PDE1B: variants seen among roughly 807,000 people sequenced by gnomAD.
PDE1B encodes dual specificity calcium/calmodulin-dependent 3',5'-cyclic nucleotide phosphodiesterase 1B.
In PDE1B, 13 loss-of-function variants were observed where a neutral mutation model predicts 66.7. The ratio of observed to expected loss-of-function variants is 0.19; its 90% CI spans 0.13 to 0.31. The LOEUF is 0.31. Ranked by LOEUF, PDE1B falls within the 10% of genes least tolerant of loss-of-function variation. The probability of loss-of-function intolerance (pLI) is 1.00; values close to 1 mark genes in which losing one functional copy is unlikely to be tolerated. For missense variants in PDE1B, 485 were observed against 682.3 expected, an observed-to-expected ratio of 0.71 and a Z score of 3.22; for synonymous variants, 230 against 253.9, an observed-to-expected ratio of 0.91 and a Z score of 0.90.
At chr12:54,553,815 A>C (rs1244005148) in intron 2 of PDE1B, among the ~76,000 whole-genome samples, 1 of 152,174 alleles carries the variant, frequency 6.6e-6, no homozygotes, top group East Asian at 1.9e-4. Context: ...AAGGAGTTAC[A>C]GAGAGGATCC....
intron 2 of PDE1B, among the ~76,000 whole-genome samples, chr12:54,561,875 T>G (rs1294238157): frequency 6.6e-6 from 1 of 152,066 alleles, no homozygotes; most frequent in East Asian, 1.9e-4. Context: ...AAAAATTGCT[T>G]CTTCTTGACT....
chr12:54,565,246 G>T (rs1181054303), intron 2 of PDE1B, among the ~76,000 whole-genome samples: 1 of 152,200 alleles, frequency 6.6e-6, no homozygotes, highest in Non-Finnish European at 1.5e-5. Flanking sequence ...GAATCTGGGG[G>T]AGAGAGAGAA....
At position 54,579,150 on chromosome 12, in the gene PDE1B, G is replaced by T; in HGVS notation, c.*1308G>T. ...TGGTACTTCCACCCTACCCCACCCC[G>T]AGAAGGGCAGAGACGCATGTGACTC... On this transcript the variant is annotated 3_prime_UTR_variant, in exon 16 of 16. Transcript: ENST00000243052. 1.5e-6 allele frequency: 1 copy of T among 656,896 alleles called. No homozygotes were observed. Among genetic ancestry groups the T allele is most frequent in the Non-Finnish European group, 1.9e-6 (1 of 530,506 alleles). 40.7% of individuals were successfully genotyped at this position (656,896 alleles called of 1,614,324 possible).
intron 2 of PDE1B, among the ~76,000 whole-genome samples, chr12:54,566,718 G>A (rs1486296618): frequency 6.6e-6 from 1 of 152,198 alleles, no homozygotes; most frequent in East Asian, 1.9e-4. Flanking sequence ...GTTTCGAGAA[G>A]TCAGATGGTG....
Position 54,560,780 on chromosome 12 carries a change from CCT to C in PDE1B, c.114-6187_114-6186del, listed in dbSNP as rs1322346049. Among the ~76,000 whole-genome samples the C allele has an allele frequency of 2.0e-5, 3 of 152,188 alleles. No individual in the cohort carries two copies. The East Asian group carries it at 5.8e-4, about 29-fold the overall frequency. ...TTCTCCTTACCTCTGAGCCGATTGA[CCT>C]CTCTCTGGTTAATTCATGGTTATTC... On this transcript the variant is annotated intron_variant, in intron 2 of 15. Coordinates refer to ENST00000243052, the MANE Select transcript of PDE1B (RefSeq NM_000924.4).
At position 54,573,876 on chromosome 12, in the gene PDE1B, T is replaced by G. The variant is rs113647224; in HGVS notation, c.1064+167T>G. 2.5e-6 allele frequency: 1 copy of G among 400,428 alleles called. No individual in the cohort carries two copies. Among genetic ancestry groups the G allele is most frequent in the Non-Finnish European group, 4.4e-6 (1 of 225,482 alleles). 24.8% of individuals were successfully genotyped at this position (400,428 alleles called of 1,614,324 possible). ...CTATGTGAGAGAGAGAGAGAGTGTG[T>G]GTGTGTGTGTGTGTGTGTGTGTGTG... is the stretch of plus-strand genomic sequence containing the variant. On this transcript the variant is annotated intron_variant, in intron 10 of 15. Transcript: ENST00000243052. The surrounding 1 kb of genome is among the most constrained non-coding windows in gnomAD (Gnocchi z 5.2).
At chr12:54,552,727 A>G (rs941267015) in intron 2 of PDE1B, among the ~76,000 whole-genome samples, 1 of 152,212 alleles carries the variant, frequency 6.6e-6, no homozygotes, top group Non-Finnish European at 1.5e-5. Context: ...TTTCAGAACA[A>G]TTTCTCTAAT....
chr12:54,567,687 A>G (rs144493601), intron 3 of PDE1B, among the ~76,000 whole-genome samples: 313 of 152,142 alleles, frequency 2.1e-3, no homozygotes, highest in Non-Finnish European at 3.5e-3. Flanking sequence ...AAGCTCATCT[A>G]TTCCACTGTG....
In PDE1B at chr12:54,575,772, T is replaced by G. The variant is rs1041899181; in HGVS notation, c.1267+140T>G. 2 of 768,182 alleles carry G rather than the reference T, an allele frequency of 2.6e-6. No homozygotes were observed. Among genetic ancestry groups the G allele is most frequent in the Admixed American group, 2.0e-5 (1 of 50,458 alleles). The allele number at this position is 768,182 out of a possible 1,614,324, so 47.6% of individuals were successfully genotyped here. ...CCTACTGTGCTAGAGCATGGGGTCC[T>G]GGGTTAGGAGGCCAGGGGGCTGCAA... On this transcript the variant is annotated intron_variant, in intron 12 of 15. Coordinates refer to ENST00000243052, the MANE Select transcript of PDE1B (RefSeq NM_000924.4). This position sits in a 1 kb window ranked among gnomAD's most constrained non-coding sequence, Gnocchi z 4.0.
chr12:54,562,706 G>GGT (rs1278231670), intron 2 of PDE1B, among the ~76,000 whole-genome samples: 2 of 152,104 alleles, frequency 1.3e-5, no homozygotes, highest in Admixed American at 1.3e-4. Flanking sequence ...GAAAGTATGG[G>GGT]GTGTGTGTGT....
chr12:54,562,217 C>T (rs1024121316), intron 2 of PDE1B, among the ~76,000 whole-genome samples: 1 of 152,144 alleles, frequency 6.6e-6, no homozygotes, highest in Non-Finnish European at 1.5e-5. Context: ...GAACACCAGC[C>T]ATGGTGAGCC....
At chr12:54,577,557 G>T (rs757071539) in intron 15 of PDE1B, 1 of 1,535,396 alleles carries the variant, frequency 6.5e-7, no homozygotes, top group Non-Finnish European at 8.7e-7. Flanking sequence ...AGGAACAAAG[G>T]AGGTACCTTC....
Position 54,575,980 on chromosome 12 carries a change from C to T in PDE1B, c.1268-12C>T, listed in dbSNP as rs375297423. 1.9e-6 allele frequency: 3 copies of T among 1,568,330 alleles called. No homozygotes were observed. Among genetic ancestry groups the T allele is most frequent in the African/African-American group, 1.4e-5 (1 of 74,030 alleles). On this transcript the variant is annotated splice_polypyrimidine_tract_variant and intron_variant, in intron 12 of 15. Coordinates refer to ENST00000243052, the MANE Select transcript of PDE1B (RefSeq NM_000924.4). The surrounding 1 kb of genome is among the most constrained non-coding windows in gnomAD (Gnocchi z 4.0). Reference sequence around the variant, plus strand: ...AGTAAGACATCTCTACGGCATTGCTCCTCCACTGCAGGGTTCATCGACTTC... The same window carrying T: ...AGTAAGACATCTCTACGGCATTGCTTCTCCACTGCAGGGTTCATCGACTTC...
chr12:54,576,267 G>A, intron 13 of PDE1B, 167 bp downstream of exon 13: 1 of 637,784 alleles, frequency 1.6e-6, no homozygotes, highest in Admixed American at 2.3e-5. Flanking sequence ...GATGGGATCA[G>A]AAGGGTGTGA....
In PDE1B at chr12:54,573,040, TG is replaced by T; in HGVS notation, c.736-106del. ...TGGCTGCATTAACCAAGAGCTGGCC[TG>T]GAAGCATGGAAGGGATGGGATGAGT... On this transcript the variant is annotated intron_variant, in intron 7 of 15. Coordinates refer to ENST00000243052, the MANE Select transcript of PDE1B (RefSeq NM_000924.4). The surrounding 1 kb of genome is among the most constrained non-coding windows in gnomAD (Gnocchi z 5.2). 2 of 858,208 alleles carry T rather than the reference TG, an allele frequency of 2.3e-6. No homozygotes were observed. Among genetic ancestry groups the T allele is most frequent in the Non-Finnish European group, 3.9e-6 (2 of 518,388 alleles). 53.2% of individuals were successfully genotyped at this position (858,208 alleles called of 1,614,324 possible).
intron 2 of PDE1B, among the ~76,000 whole-genome samples, chr12:54,553,993 A>G (rs1363965690): frequency 6.6e-6 from 1 of 152,200 alleles, no homozygotes; most frequent in Non-Finnish European, 1.5e-5. Context: ...TAATAAATAT[A>G]TTGGGAAGGT....
rs376323417 is a variant in PDE1B, at chr12:54,573,566, G to A, written c.963-42G>A. ...CACTTCCTGGACCTCCTGCCCAGCA[G>A]CGCTGAGGGGACTGATTGCTTCTCT... On this transcript the variant is annotated intron_variant, in intron 9 of 15. Coordinates refer to ENST00000243052, the MANE Select transcript of PDE1B (RefSeq NM_000924.4). This position sits in a 1 kb window ranked among gnomAD's most constrained non-coding sequence, Gnocchi z 5.2. The A allele has an allele frequency of 1.6e-5, 26 of 1,610,494 alleles. No homozygotes were observed. Among genetic ancestry groups the A allele is most frequent in the Non-Finnish European group, 2.2e-5 (26 of 1,176,764 alleles).
At chr12:54,576,736 T>C in intron 14 of PDE1B, 35 bp downstream of exon 14, 1 of 1,572,920 alleles carries the variant, frequency 6.4e-7, no homozygotes, top group Non-Finnish European at 8.6e-7. Context: ...GGTGAGAACT[T>C]GTGTGGGTGG....
Position 54,576,592 on chromosome 12 carries a change from T to C in PDE1B, c.1398T>C (p.Ser466=), listed in dbSNP as rs1957754598. The C allele has an allele frequency of 6.2e-7, 1 of 1,613,974 alleles. No individual in the cohort carries two copies. Among genetic ancestry groups the C allele is most frequent in the Non-Finnish European group, 8.5e-7 (1 of 1,180,022 alleles). The change falls in exon 14 of 16, where the codon TCT becomes TCC. Residue 466 remains serine, a synonymous_variant. Coordinates refer to ENST00000243052, the MANE Select transcript of PDE1B (RefSeq NM_000924.4). ...CTAGCTTTCAGTGGCGCCAGCCCTC[T>C]CTGGATGTGGAAGTGGGAGACCCCA... ...NQPSFQWRQP[S]LDVEVGDPNP...
Sources: gnomAD v4.1 joint callset for allele counts (sites outside exome capture counted in the v4.1 genomes callset) on GRCh38, gnomAD v4.1.1 for gene constraint, Gnocchi (gnomAD v3.1) non-coding constraint, MANE v1.5 for transcripts, NCBI Gene and HGNC (gene_info 2026-07-23, HGNC 2026-07-21) for gene names.